Variants in USP26 observed in about 807,000 individuals in gnomAD.
USP26 encodes the protein ubiquitin carboxyl-terminal hydrolase 26.
For missense variants in USP26, 649 were observed against 642.3 expected, an observed-to-expected ratio of 1.01 and a Z score of -0.11; for synonymous variants, 236 against 240.6, an observed-to-expected ratio of 0.98 and a Z score of 0.18.
At chrX:133,075,569 T>A (rs2067545285) in intron 5 of USP26, among the ~76,000 whole-genome samples, 1 of 111,746 alleles carries the variant, frequency 8.9e-6, no homozygotes, top group African/African-American at 3.3e-5. Flanking sequence ...AGGGCAGGAA[T>A]CGCTAAGAGC....
chrX:133,077,310 A>G (rs1419089613), intron 5 of USP26, among the ~76,000 whole-genome samples: 3 of 112,087 alleles, frequency 2.7e-5, no homozygotes, highest in African/African-American at 9.7e-5. Flanking sequence ...GGGAGAACCA[A>G]ATTTTAACTG....
rs181492998 is a variant in USP26 at position 133,068,487 on chromosome X, T to C, written c.-77+15220A>G. ...GTATTACACTCTGAAAAATAAGCGG[T>C]GCTTTCTAGCTCTAAATTCTAAGAC... is the stretch of plus-strand genomic sequence containing the variant. On this transcript the variant is annotated intron_variant, in intron 5 of 5. Coordinates refer to ENST00000511190, the MANE Select transcript of USP26 (RefSeq NM_031907.3). 8.9e-5 allele frequency among the ~76,000 whole-genome samples: 10 copies of C among 112,804 alleles called. No homozygotes were observed. In the East Asian group the frequency reaches 2.8e-3, roughly 31 times the overall value.
intron 5 of USP26, among the ~76,000 whole-genome samples, chrX:133,035,123 C>A (rs2067391658): frequency 1.8e-5 from 2 of 111,341 alleles, no homozygotes; most frequent in African/African-American, 6.5e-5. Context: ...AACACTGGTG[C>A]CTGACTGAAA....
chrX:133,075,702 ATGTCAGACAGGT>A (rs1446402754), intron 5 of USP26, among the ~76,000 whole-genome samples: 2 of 111,922 alleles, frequency 1.8e-5, no homozygotes, highest in Admixed American at 1.9e-4. Flanking sequence ...AAAAAAAAAT[ATGTCAGACAGGT>A]TGTCAGACAG....
chrX:133,044,232 C>T (rs566439930), intron 5 of USP26, among the ~76,000 whole-genome samples: 27 of 113,460 alleles, frequency 2.4e-4, no homozygotes, highest in East Asian at 1.7e-3. Context: ...TCGCAGCCCT[C>T]GCTCACTCTT....
chrX:133,050,542 CA>C (rs1307686794), intron 5 of USP26, among the ~76,000 whole-genome samples: 2 of 111,841 alleles, frequency 1.8e-5, no homozygotes, highest in Admixed American at 9.5e-5. Context: ...ACAAATTGCT[CA>C]TATACTTTTA....
intron 1 of USP26, 49 bp from the exon 2 acceptor site, chrX:133,091,492 A>C (rs984643924): frequency 1.2e-4 from 13 of 112,466 alleles, no homozygotes; most frequent in African/African-American, 3.2e-4. Context: ...GGTGTTAAAA[A>C]GTCAAAATCA....
chrX:133,057,866 AT>A (rs59814007), intron 5 of USP26, among the ~76,000 whole-genome samples: 7 of 9,329 alleles, frequency 7.5e-4, no homozygotes, highest in African/African-American at 1.3e-3. Flanking sequence ...ATATATATAT[AT>A]TTTTTTTTTT....
rs771669350 is a variant in USP26 at position 133,028,145 on chromosome X, A to G, written c.76T>C (p.Phe26Leu). 8.3e-7 allele frequency: 1 copy of G among 1,211,247 alleles called. No homozygotes were observed. Among genetic ancestry groups the G allele is most frequent in the South Asian group, 1.8e-5 (1 of 56,973 alleles). Reference protein sequence around the residue: ...KTGISKSKEAFIEAVERKKKD... With the variant: ...KTGISKSKEALIEAVERKKKD... ...TTCTTTCTTTCCACTGCTTCAATGA[A>G]TGCTTCTTTTGACTTAGATATCCCA... Residue 26 changes from phenylalanine (F) to leucine (L), a missense_variant, in exon 6 of 6, where the codon TTC becomes CTC. Transcript: ENST00000511190.
At position 133,077,797 on chromosome X, in the gene USP26, C is replaced by T. The variant is rs1331361316; in HGVS notation, c.-77+5910G>A. Among the ~76,000 whole-genome samples the T allele has an allele frequency of 2.7e-5, 3 of 111,940 alleles. No homozygotes were observed. The East Asian group carries it at 8.5e-4, about 32-fold the overall frequency. Reference sequence around the variant, plus strand: ...GTGAGATCTAGTTGTTTAAAATAACCTTGGCTGGGTGCGGTGGCTTACGCC... The same window carrying T: ...GTGAGATCTAGTTGTTTAAAATAACTTTGGCTGGGTGCGGTGGCTTACGCC... On this transcript the variant is annotated intron_variant, in intron 5 of 5. Transcript: ENST00000511190.
intron 5 of USP26, among the ~76,000 whole-genome samples, chrX:133,028,684 A>G (rs1008700624): frequency 5.4e-5 from 6 of 112,009 alleles, no homozygotes; most frequent in Non-Finnish European, 7.5e-5. Flanking sequence ...TACTCAATAG[A>G]GTCTCAAGTG....
rs763781234 is a variant in USP26, at chrX:133,026,342, T to C, written c.1879A>G (p.Lys627Glu). 3.8e-5 allele frequency: 46 copies of C among 1,205,510 alleles called. No individual in the cohort carries two copies. Among genetic ancestry groups the C allele is most frequent in the Non-Finnish European group, 5.1e-5 (46 of 894,132 alleles). The change falls in exon 6 of 6, where the codon AAG becomes GAG. Residue 627 changes from lysine (K) to glutamate (E), a missense_variant. Transcript: ENST00000511190. Reference sequence around the variant, plus strand: ...GGTTTAGAATTTTTTCCAAGGTACTTTTGCTGCTGTCTTCTGCTTGCCCCT... The same window carrying C: ...GGTTTAGAATTTTTTCCAAGGTACTCTTGCTGCTGTCTTCTGCTTGCCCCT... ...FKGASRRQQQ[K>E]YLGKNSKPNE...
chrX:133,057,964 G>A (rs183601), intron 5 of USP26, among the ~76,000 whole-genome samples: 4 of 81,701 alleles, frequency 4.9e-5, no homozygotes, highest in African/African-American at 1.9e-4. Context: ...TGCAAGCTCC[G>A]CCTCCCGGGT....
intron 1 of USP26, among the ~76,000 whole-genome samples, chrX:133,093,477 G>T (rs1192895472): frequency 4.6e-5 from 5 of 109,829 alleles, no homozygotes; most frequent in Non-Finnish European, 9.5e-5. Context: ...TGAGGAGGAA[G>T]AAAAATTAGC....
chrX:133,048,057 T>G (rs1371800296), intron 5 of USP26, among the ~76,000 whole-genome samples: 1 of 111,693 alleles, frequency 9.0e-6, no homozygotes, highest in Non-Finnish European at 1.9e-5. Context: ...AATCTTTACC[T>G]AATTTTAATC....
chrX:133,088,123 T>C (rs1367413856), intron 4 of USP26, among the ~76,000 whole-genome samples: 6 of 111,527 alleles, frequency 5.4e-5, no homozygotes. Flanking sequence ...TGAACCATGA[T>C]CATGCCACTG....
intron 5 of USP26, among the ~76,000 whole-genome samples, chrX:133,030,969 C>T (rs1423233679): frequency 9.0e-6 from 1 of 111,676 alleles, no homozygotes; most frequent in Non-Finnish European, 1.9e-5. Context: ...TAGGTCAGTT[C>T]TCCTCTGCTG....
intron 4 of USP26, among the ~76,000 whole-genome samples, chrX:133,089,841 G>A (rs1190068367): frequency 3.6e-5 from 4 of 112,267 alleles, no homozygotes; most frequent in African/African-American, 6.5e-5. Context: ...GAAAGTTACT[G>A]ATGGCCAGAT....
intron 1 of USP26, among the ~76,000 whole-genome samples, chrX:133,094,497 T>C (rs745735864): frequency 9.3e-4 from 102 of 109,910 alleles, no homozygotes; most frequent in South Asian, 4.0e-3. Flanking sequence ...CACACAACTA[T>C]ACTGTACAAT....
Sources: gnomAD v4.1 joint callset for allele counts (sites outside exome capture counted in the v4.1 genomes callset) on GRCh38, gnomAD v4.1.1 for gene constraint, MANE v1.5 for transcripts, NCBI Gene and HGNC (gene_info 2026-07-23, HGNC 2026-07-21) for gene names.